RASA1: variants seen among roughly 807,000 people sequenced by gnomAD.
The protein encoded by RASA1 is RAS p21 protein activator 1.
RASA1 carries 25 observed loss-of-function variants against 132.2 expected under a neutral mutation model. The ratio of observed to expected loss-of-function variants is 0.19; its 90% CI spans 0.14 to 0.26. The LOEUF (loss-of-function observed/expected upper bound fraction) is 0.26. RASA1 is among the 10% of genes least tolerant of loss of function. RASA1 has a pLI of 1.00. For synonymous variants in RASA1, 477 were observed against 449.9 expected (o/e 1.06, Z -0.76); for missense variants, 964 against 1,299.2 (o/e 0.74, Z 3.97).
chr5:87,351,659 C>A (rs1318184959), intron 8 of RASA1, among the ~76,000 whole-genome samples: 1 of 151,642 alleles, frequency 6.6e-6, no homozygotes, highest in Non-Finnish European at 1.5e-5. Context: ...ATATGAATGT[C>A]TAGAAAATTC....
At chr5:87,373,973 A>C (rs1580379736) in intron 13 of RASA1, among the ~76,000 whole-genome samples, 190 bp from the exon 14 acceptor site, 1 of 151,746 alleles carries the variant, frequency 6.6e-6, no homozygotes, top group East Asian at 1.9e-4. Flanking sequence ...GGTGGGAAGA[A>C]TTATTTTAAA....
chr5:87,321,833 T>C (rs1276079202), intron 1 of RASA1, among the ~76,000 whole-genome samples: 1 of 152,102 alleles, frequency 6.6e-6, no homozygotes, highest in Non-Finnish European at 1.5e-5. Flanking sequence ...AGACCCCCCA[T>C]AGGACCCTCT....
intron 20 of RASA1, 35 bp from the exon 21 acceptor site, chr5:87,383,678 T>TAAAAA: frequency 1.5e-6 from 2 of 1,319,658 alleles, no homozygotes; most frequent in Non-Finnish European, 1.0e-6. Context: ...AGGTGTTTTC[T>TAAAAA]AAAAAAAAAA....
At chr5:87,320,512 G>A (rs1215359552) in intron 1 of RASA1, among the ~76,000 whole-genome samples, 1 of 152,178 alleles carries the variant, frequency 6.6e-6, no homozygotes, top group Non-Finnish European at 1.5e-5. Flanking sequence ...AAGGCAAAGG[G>A]GAAGCAAGAA....
chr5:87,303,351 T>A (rs12659702), intron 1 of RASA1, among the ~76,000 whole-genome samples: 27,731 of 151,792 alleles, frequency 0.18, 2,793 homozygotes, highest in East Asian at 0.41. Flanking sequence ...AATTGTGTCC[T>A]ATTTTTTTTT....
intron 4 of RASA1, among the ~76,000 whole-genome samples, chr5:87,334,889 CTT>C (rs1353348896): frequency 6.9e-6 from 1 of 145,084 alleles, no homozygotes. Flanking sequence ...TAGTTTGTTC[CTT>C]TTTTTTTTTT....
At chr5:87,308,198 C>A (rs1290855532) in intron 1 of RASA1, among the ~76,000 whole-genome samples, 2 of 151,552 alleles carry the variant, frequency 1.3e-5, no homozygotes, top group Non-Finnish European at 2.9e-5. Flanking sequence ...CCTGAGAATT[C>A]ATGCAAAAGA....
intron 1 of RASA1, among the ~76,000 whole-genome samples, chr5:87,288,675 T>C (rs761630291): frequency 4.6e-5 from 7 of 152,164 alleles, no homozygotes; most frequent in Non-Finnish European, 1.0e-4. Context: ...ATTCTTGTTA[T>C]TATGTAAATG....
At position 87,268,513 on chromosome 5, in the gene RASA1, G is replaced by A. The variant is rs1436547254; in HGVS notation, c.62G>A (p.Gly21Asp). Residue 21 changes from glycine to aspartate, a missense_variant, in exon 1 of 25, where the codon GGC becomes GAC. This residue lies in a region of RASA1 where 326 missense variants were observed against 275.8 expected (regional missense o/e 1.18). Transcript: ENST00000274376. The stretch of plus-strand genomic sequence containing the variant: ...CCGGTAACAGCCGGAGCTGGAGGAG[G>A]CGGCGCGGCAGCGGGCTCCAGTGCC... ...GGPVTAGAGG[G>D]GAAAGSSAYP... The A allele has an allele frequency of 5.7e-6, 9 of 1,575,562 alleles. No individual in the cohort carries two copies. The highest frequency in any genetic ancestry group is 5.7e-5 in the Admixed American group (3 of 52,860).
At chr5:87,357,190 T>C (rs1397766088) in intron 9 of RASA1, among the ~76,000 whole-genome samples, 2 of 152,016 alleles carry the variant, frequency 1.3e-5, no homozygotes, top group African/African-American at 4.8e-5. Context: ...CGCAGAGTAA[T>C]TGGAAGAGAA....
chr5:87,316,536 C>T (rs1243265662), intron 1 of RASA1, among the ~76,000 whole-genome samples: 4 of 152,092 alleles, frequency 2.6e-5, no homozygotes, highest in African/African-American at 9.7e-5. Context: ...TTTCATGTGT[C>T]AGGATTGCCA....
chr5:87,341,232 A>G, intron 5 of RASA1, 58 bp from the exon 6 acceptor site: 2 of 1,023,990 alleles, frequency 2.0e-6, no homozygotes, highest in Non-Finnish European at 1.3e-6. Context: ...CATGAATTTT[A>G]ATAAAAATTG....
chr5:87,357,597 C>T (rs1235187314), intron 9 of RASA1, among the ~76,000 whole-genome samples: 1 of 152,058 alleles, frequency 6.6e-6, no homozygotes, highest in Non-Finnish European at 1.5e-5. Context: ...CCCAGCTACT[C>T]TGGAGGCTGA....
intron 23 of RASA1, among the ~76,000 whole-genome samples, chr5:87,387,573 G>A (rs1012114847): frequency 6.6e-6 from 1 of 152,142 alleles, no homozygotes; most frequent in African/African-American, 2.4e-5. Context: ...GAAGGTGCAT[G>A]TACATGTGAA....
intron 20 of RASA1, among the ~76,000 whole-genome samples, chr5:87,381,117 A>G (rs943452254): frequency 6.6e-6 from 1 of 152,104 alleles, no homozygotes; most frequent in African/African-American, 2.4e-5. Flanking sequence ...CTTCATTATC[A>G]TTATTCTATA....
intron 9 of RASA1, among the ~76,000 whole-genome samples, chr5:87,361,489 A>G (rs1456086047): frequency 6.6e-6 from 1 of 152,194 alleles, no homozygotes; most frequent in East Asian, 1.9e-4. Flanking sequence ...AAGATGGACT[A>G]AAAGTCATAA....
chr5:87,389,600 T>C, intron 24 of RASA1, 73 bp downstream of exon 24: 3 of 1,562,514 alleles, frequency 1.9e-6, no homozygotes, highest in Non-Finnish European at 1.8e-6. Flanking sequence ...AATAGCTGAA[T>C]TCTGGTTAAC....
intron 24 of RASA1, 28 bp from the exon 25 acceptor site, chr5:87,390,772 A>C (rs1762455698): frequency 1.3e-6 from 2 of 1,580,040 alleles, no homozygotes; most frequent in East Asian, 4.5e-5. Context: ...GCTTTCATTT[A>C]TTTTCATACC....
At chr5:87,329,421 G>A (rs1193631818) in intron 1 of RASA1, among the ~76,000 whole-genome samples, 1 of 152,036 alleles carries the variant, frequency 6.6e-6, no homozygotes, top group Non-Finnish European at 1.5e-5. Flanking sequence ...CAGCCTGGGC[G>A]ACAGAGTGAG....
Sources: gnomAD v4.1 joint callset for allele counts (sites outside exome capture counted in the v4.1 genomes callset) on GRCh38, gnomAD v4.1.1 for gene constraint, gnomAD v4.1.1 regional missense constraint, MANE v1.5 for transcripts, NCBI Gene and HGNC (gene_info 2026-07-23, HGNC 2026-07-21) for gene names.